Variants in GCM1 observed in about 807,000 individuals in gnomAD.
GCM1 encodes the protein chorion-specific transcription factor GCMa.
In GCM1, 2 loss-of-function variants were observed where a neutral mutation model predicts 25.7. That is an observed-to-expected ratio of 0.08 (90% CI 0.03 to 0.24). The LOEUF (loss-of-function observed/expected upper bound fraction) is 0.24, where lower values mean the gene tolerates loss of function less well. Ranked by LOEUF, GCM1 falls within the 10% of genes least tolerant of loss-of-function variation. The probability of loss-of-function intolerance (pLI) is 1.00; values close to 1 mark genes in which losing one functional copy is unlikely to be tolerated. For missense variants in GCM1, 395 were observed against 538.7 expected, an observed-to-expected ratio of 0.73 and a Z score of 2.64; for synonymous variants, 183 against 195.7, an observed-to-expected ratio of 0.94 and a Z score of 0.54.
chr6:53,130,207 G>A (rs1006916338), intron 5 of GCM1, among the ~76,000 whole-genome samples: 1 of 152,138 alleles, frequency 6.6e-6, no homozygotes, highest in Admixed American at 6.6e-5. Context: ...CCTTTGAACA[G>A]TAGAAAAAGT....
chr6:53,132,298 A>T (rs570179606), intron 3 of GCM1, among the ~76,000 whole-genome samples, 179 bp from the exon 4 acceptor site: 1 of 152,298 alleles, frequency 6.6e-6, no homozygotes, highest in Admixed American at 6.5e-5. Context: ...TGGCCACTAA[A>T]ATGGCCCACA....
intron 2 of GCM1, among the ~76,000 whole-genome samples, chr6:53,137,027 A>G (rs1192564690): frequency 6.6e-6 from 1 of 152,132 alleles, no homozygotes; most frequent in Non-Finnish European, 1.5e-5. Context: ...ATAAAAGCTT[A>G]ATTGGTGCAC....
chr6:53,145,892 C>G, intron 1 of GCM1, 124 bp from the exon 2 acceptor site: 1 of 398,056 alleles, frequency 2.5e-6, no homozygotes, highest in Non-Finnish European at 4.5e-6. Context: ...TAGTAAAAAA[C>G]AAAACATAGG....
In GCM1 at chr6:53,128,415, C is replaced by G; in HGVS notation, c.1102G>C (p.Val368Leu). The G allele has an allele frequency of 6.2e-7, 1 of 1,613,976 alleles. No homozygotes were observed. The highest frequency in any genetic ancestry group is 8.5e-7 in the Non-Finnish European group (1 of 1,179,862). The part of the protein sequence containing the change: ...NPAGNLYEEK[V>L]HVDFNSYVQS... Reference sequence around the variant, plus strand: ...ACGTAGCTGTTAAAATCCACATGTACTTTCTCTTCATAAAGATTACCCGCT... The same window carrying G: ...ACGTAGCTGTTAAAATCCACATGTAGTTTCTCTTCATAAAGATTACCCGCT... Residue 368 changes from valine to leucine, a missense_variant, in exon 6 of 6, where the codon GTA becomes CTA. Physicochemically the swap from Val to Leu is conservative, Grantham distance 32. Around this residue, in one of 5 missense-constraint regions of GCM1, gnomAD observed 291 missense variants for 314.6 expected, o/e 0.92. Transcript: ENST00000259803.
At chr6:53,129,367 C>T (rs560563541) in intron 5 of GCM1, among the ~76,000 whole-genome samples, 2 of 151,894 alleles carry the variant, frequency 1.3e-5, no homozygotes, top group South Asian at 2.1e-4. Flanking sequence ...CTCTGCCTCC[C>T]GGGTTCAAGC....
In GCM1 at chr6:53,147,117, C is replaced by T. The variant is rs147118821; in HGVS notation, c.-136-1349G>A. Among the ~76,000 whole-genome samples, 78 of 152,074 alleles carry T rather than the reference C, an allele frequency of 5.1e-4. 2 individuals carry two copies. The South Asian group carries it at 0.014, about 28-fold the overall frequency. On this transcript the variant is annotated intron_variant, in intron 1 of 5. Transcript: ENST00000259803. ...TGTTCAAATGGCATTTCTTCCCTCA[C>T]GAGAAATAGTGCTCTAATTTCTAAC...
Position 53,127,028 on chromosome 6 carries a change from A to G in GCM1, c.*1178T>C, listed in dbSNP as rs1246004200. 1 of 152,200 alleles carries G rather than the reference A, an allele frequency of 6.6e-6. No homozygotes were observed. Among genetic ancestry groups the G allele is most frequent in the Admixed American group, 6.5e-5 (1 of 15,276 alleles). The allele number at this position is 152,200 out of a possible 1,614,324, so 9.4% of individuals were successfully genotyped here. A position where few individuals can be genotyped will look rare whatever the true frequency, so the allele number is the denominator to read the frequency against. On this transcript the variant is annotated 3_prime_UTR_variant, in exon 6 of 6. Coordinates refer to ENST00000259803, the MANE Select transcript of GCM1 (RefSeq NM_003643.4). ...TTTTATGTCTAGGCTTACTTTTATC[A>G]TAAAGTACTTCAGCAAAGAAGAGAA...
In GCM1 at chr6:53,134,292, C is replaced by G; in HGVS notation, c.108G>C (p.Trp36Cys). The change falls in exon 3 of 6, where the codon TGG becomes TGC. Residue 36 changes from tryptophan (W) to cysteine (C), a missense_variant. By Grantham distance (215) the Trp-to-Cys change is radical. Coordinates refer to ENST00000259803, the MANE Select transcript of GCM1 (RefSeq NM_003643.4). ...AGATGTGTTTGGCATAGGAATCTGG[C>G]CACTCCTGGAACCAGTCGGTTTTTT... ...NVKKTDWFQE[W>C]PDSYAKHIYS... 6.2e-7 allele frequency: 1 copy of G among 1,613,906 alleles called. No homozygotes were observed. Among genetic ancestry groups the G allele is most frequent in the African/African-American group, 1.3e-5 (1 of 75,002 alleles).
chr6:53,148,422 C>A (rs1000118359), intron 1 of GCM1, among the ~76,000 whole-genome samples: 1 of 152,104 alleles, frequency 6.6e-6, no homozygotes, highest in African/African-American at 2.4e-5. Context: ...TATTACAGAA[C>A]AACTATGTTA....
chr6:53,141,041 T>A (rs1763864667), intron 2 of GCM1, among the ~76,000 whole-genome samples: 1 of 152,166 alleles, frequency 6.6e-6, no homozygotes, highest in Non-Finnish European at 1.5e-5. Context: ...CACAAACTCT[T>A]CTGGCCTTGC....
chr6:53,130,848 T>G lies in GCM1; in HGVS notation c.525A>C (p.Ala175=). The G allele has an allele frequency of 6.2e-7, 1 of 1,613,930 alleles. No individual in the cohort carries two copies. Among genetic ancestry groups the G allele is most frequent in the Non-Finnish European group, 8.5e-7 (1 of 1,179,796 alleles). The change falls in exon 5 of 6, where the codon GCA becomes GCC. Residue 175 remains alanine, a synonymous_variant. Coordinates refer to ENST00000259803, the MANE Select transcript of GCM1 (RefSeq NM_003643.4). ...ARRAMKKVNT[A]PSSVSLSLKG... ...TCAGGCTCAATGAGACGGAGGAAGG[T>G]GCTGTGTTCACTTTCTTCATGGCTC... is the stretch of plus-strand genomic sequence containing the variant.
chr6:53,141,004 A>T (rs1001395055), intron 2 of GCM1, among the ~76,000 whole-genome samples: 1 of 152,148 alleles, frequency 6.6e-6, no homozygotes, highest in Non-Finnish European at 1.5e-5. Flanking sequence ...TAGATGGTTG[A>T]TCTAATTTTT....
At chr6:53,141,427 C>T (rs1763871355) in intron 2 of GCM1, among the ~76,000 whole-genome samples, 1 of 152,182 alleles carries the variant, frequency 6.6e-6, no homozygotes, top group South Asian at 2.1e-4. Context: ...GTGGCTCACA[C>T]CTGTAATCCC....
chr6:53,138,669 C>G (rs1763833679), intron 2 of GCM1, among the ~76,000 whole-genome samples: 1 of 152,060 alleles, frequency 6.6e-6, no homozygotes, highest in Non-Finnish European at 1.5e-5. Context: ...CTTTGTTTTT[C>G]CTCTTAGTTA....
At chr6:53,144,984 A>G (rs868492484) in intron 2 of GCM1, among the ~76,000 whole-genome samples, 1 of 148,268 alleles carries the variant, frequency 6.7e-6, no homozygotes, top group African/African-American at 2.5e-5. Flanking sequence ...AATGAAAAGA[A>G]AGAGAGAGAG....
At position 53,128,916 on chromosome 6, in the gene GCM1, T is replaced by G; in HGVS notation, c.601A>C (p.Ser201Arg). The G allele has an allele frequency of 6.2e-7, 1 of 1,613,168 alleles. No individual in the cohort carries two copies. Among genetic ancestry groups the G allele is most frequent in the Non-Finnish European group, 8.5e-7 (1 of 1,179,284 alleles). Residue 201 changes from serine (S) to arginine (R), a missense_variant, in exon 6 of 6, where the codon AGT becomes CGT. Coordinates refer to ENST00000259803, the MANE Select transcript of GCM1 (RefSeq NM_003643.4). ...TGGAAAGACCAAGTTAAAGGTAAAC[T>G]CCCCTGACTTTGTGTTTCACCTGGA... Reference protein sequence around the residue: ...SLPGETQSQGSLPLTWSFQEG... With the variant: ...SLPGETQSQGRLPLTWSFQEG...
Position 53,139,451 on chromosome 6 carries a change from G to A in GCM1, c.76-5127C>T, listed in dbSNP as rs1252477433. ...CTAAGGCAGAAGGTTGCTTGAGCTC[G>A]GGAGTTCAAGACCAGCCTAGGCAAG... is the stretch of plus-strand genomic sequence containing the variant. On this transcript the variant is annotated intron_variant, in intron 2 of 5. Coordinates refer to ENST00000259803, the MANE Select transcript of GCM1 (RefSeq NM_003643.4). 1.1e-4 allele frequency among the ~76,000 whole-genome samples: 16 copies of A among 145,972 alleles called. 1 individual carries two copies. Among genetic ancestry groups the A allele is most frequent in the South Asian group, 8.6e-4 (4 of 4,648 alleles).
chr6:53,141,559 T>G (rs1291966466), intron 2 of GCM1, among the ~76,000 whole-genome samples: 1 of 151,844 alleles, frequency 6.6e-6, no homozygotes, highest in Non-Finnish European at 1.5e-5. Context: ...CGGTGGCAGG[T>G]GCAAGTAGTC....
intron 5 of GCM1, among the ~76,000 whole-genome samples, chr6:53,129,292 A>G (rs1163197871): frequency 2.2e-5 from 3 of 136,462 alleles, no homozygotes; most frequent in Non-Finnish European, 4.6e-5. Flanking sequence ...TTTTTTTGAG[A>G]TGGAGTCTCG....
Sources: allele counts gnomAD v4.1 joint callset (sites outside exome capture counted in the v4.1 genomes callset), GRCh38; gene constraint gnomAD v4.1.1; regional missense constraint gnomAD v4.1.1; transcripts MANE v1.5; gene names NCBI Gene and HGNC (gene_info 2026-07-23, HGNC 2026-07-21).